CELSR1: variants seen among roughly 807,000 people sequenced by gnomAD.
CELSR1 encodes the protein adhesion G protein-coupled receptor C1.
CELSR1 carries 110 observed loss-of-function variants against 249.1 expected under a neutral mutation model. The observed-to-expected ratio is 0.44, with a 90% CI of 0.38 to 0.52. CELSR1 has a LOEUF of 0.52. Among genes scored for constraint, CELSR1 ranks in the 20% least tolerant of loss-of-function variants. The pLI, the probability that CELSR1 is intolerant of heterozygous loss-of-function variation, is 0.00. For missense variants in CELSR1, 4,109 were observed against 4,296.4 expected, an observed-to-expected ratio of 0.96 and a Z score of 1.22; for synonymous variants, 2,113 against 1,900.0, an observed-to-expected ratio of 1.11 and a Z score of -2.92.
chr22:46,489,539 G>A (rs867777149), intron 1 of CELSR1, among the ~76,000 whole-genome samples: 63 of 152,170 alleles, frequency 4.1e-4, no homozygotes, highest in African/African-American at 1.4e-3. Flanking sequence ...TAACTAAGAG[G>A]AGAGACATGG....
chr22:46,457,584 C>T (rs972292860), intron 2 of CELSR1, among the ~76,000 whole-genome samples: 5 of 152,214 alleles, frequency 3.3e-5, no homozygotes, highest in African/African-American at 9.7e-5. Flanking sequence ...CTCAGGAATG[C>T]GCCCCATGGG....
rs148349145 is a variant in CELSR1, at chr22:46,534,002, G to A, written c.3169C>T (p.Arg1057Cys). The change falls in exon 1 of 35, where the codon CGT (arginine) becomes TGT (cysteine). Residue 1057 changes from arginine to cysteine, a missense_variant. Arg to Cys is a radical substitution (Grantham distance 180). Around this residue, in one of 7 missense-constraint regions of CELSR1, gnomAD observed 886 missense variants for 896.5 expected, o/e 0.99. Transcript: ENST00000674500. This position sits in a 1 kb window ranked among gnomAD's most constrained non-coding sequence, Gnocchi z 9.7. Reference protein sequence around the residue: ...FQLDLLNGDLRAMVELDFEVR... With the variant: ...FQLDLLNGDLCAMVELDFEVR... ...TCAAAGTCCAGCTCCACCATGGCAC[G>A]CAGGTCCCCGTTGAGCAGGTCCAGC... 1.1e-4 allele frequency: 172 copies of A among 1,613,640 alleles called. No individual in the cohort carries two copies. Among genetic ancestry groups the A allele is most frequent in the East Asian group, 1.0e-3 (46 of 44,882 alleles).
intron 1 of CELSR1, among the ~76,000 whole-genome samples, chr22:46,523,922 C>G (rs1310566815): frequency 6.6e-6 from 1 of 152,210 alleles, no homozygotes; most frequent in Non-Finnish European, 1.5e-5. Flanking sequence ...GCCCCTCCCA[C>G]AGTCCTGCAG....
Position 46,430,267 on chromosome 22 carries a change from T to C in CELSR1, c.4611+3126A>G, listed in dbSNP as rs1429305506. 6.6e-6 allele frequency among the ~76,000 whole-genome samples: 1 copy of C among 152,196 alleles called. No homozygotes were observed. The highest frequency in any genetic ancestry group is 1.5e-5 in the Non-Finnish European group (1 of 68,030). On this transcript the variant is annotated intron_variant, in intron 5 of 34. Transcript: ENST00000674500. The surrounding 1 kb of genome is among the most constrained non-coding windows in gnomAD (Gnocchi z 4.6). Reference sequence around the variant, plus strand: ...CTTCCACCCTCTCCAGACTGCTGTATGCTGAATTTTTTCAAGTATGTTTTC... The same window carrying C: ...CTTCCACCCTCTCCAGACTGCTGTACGCTGAATTTTTTCAAGTATGTTTTC...
chr22:46,367,837 T>G lies in CELSR1; in HGVS notation c.7971A>C (p.Ala2657=), dbSNP rs76868014. Residue 2657 remains alanine, a synonymous_variant, in exon 28 of 35, where the codon GCA becomes GCC. Coordinates refer to ENST00000674500, the MANE Select transcript of CELSR1 (RefSeq NM_001378328.1). ...KKGIVSLLRT[A]FLLLLLISAT... The stretch of plus-strand genomic sequence containing the variant: ...CGCTGATGAGCAGCAGCAGGAGGAA[T>G]GCGGTCCTCAGCAGGGAGCTGCGGG... The G allele has an allele frequency of 6.2e-7, 1 of 1,611,168 alleles. No homozygotes were observed. Among genetic ancestry groups the G allele is most frequent in the South Asian group, 1.1e-5 (1 of 90,494 alleles).
chr22:46,428,862 T>C lies in CELSR1; in HGVS notation c.4611+4531A>G, dbSNP rs1602122698. 6.6e-6 allele frequency among the ~76,000 whole-genome samples: 1 copy of C among 152,168 alleles called. No individual in the cohort carries two copies. The highest frequency in any genetic ancestry group is 6.5e-5 in the Admixed American group (1 of 15,278). ...CATGTCAGGCACTACCTCCCCTGCA[T>C]GTCCCTGCCTCCCCAGCTGGCCAGG... is the stretch of plus-strand genomic sequence containing the variant. On this transcript the variant is annotated intron_variant, in intron 5 of 34. Transcript: ENST00000674500. This position sits in a 1 kb window ranked among gnomAD's most constrained non-coding sequence, Gnocchi z 5.7.
chr22:46,535,925 C>A lies in CELSR1; in HGVS notation c.1246G>T (p.Asp416Tyr). 6.2e-7 allele frequency: 1 copy of A among 1,609,570 alleles called. No individual in the cohort carries two copies. The highest frequency in any genetic ancestry group is 8.5e-7 in the Non-Finnish European group (1 of 1,179,738). ...TGGTACTCGGCCGCCTCCTCCCGGTCCAGCACCGCCCGTGTGCTCACCACG... is the reference window on the plus strand; with the variant it reads ...TGGTACTCGGCCGCCTCCTCCCGGTACAGCACCGCCCGTGTGCTCACCACG... ...SGVVSTRAVL[D>Y]REEAAEYQLL... The change falls in exon 1 of 35, where the codon GAC (aspartate) becomes TAC (tyrosine). Residue 416 changes from aspartate to tyrosine, a missense_variant. Physicochemically the swap from Asp to Tyr is radical, Grantham distance 160 (BLOSUM62 -3). This residue lies in a region of CELSR1 where 673 missense variants were observed against 636.8 expected (regional missense o/e 1.06). Transcript: ENST00000674500.
At chr22:46,529,247 C>T (rs1187094300) in intron 1 of CELSR1, among the ~76,000 whole-genome samples, 1 of 150,448 alleles carries the variant, frequency 6.6e-6, no homozygotes, top group African/African-American at 2.4e-5. Context: ...GCCTGGGCAG[C>T]AGAGTGAGAC....
In CELSR1 at chr22:46,477,610, C is replaced by G. The variant is rs192173815; in HGVS notation, c.3545-13265G>C. On this transcript the variant is annotated intron_variant, in intron 1 of 34. Transcript: ENST00000674500. ...GCAACCTCCACCTCCCGAGTTCAAG[C>G]GATTTCCCTGCCTCAGCCTCCCAAG... is the stretch of plus-strand genomic sequence containing the variant. 1.7e-3 allele frequency among the ~76,000 whole-genome samples: 248 copies of G among 149,576 alleles called. 1 individual carries two copies. The highest frequency in any genetic ancestry group is 6.0e-3 in the African/African-American group (244 of 40,802).
chr22:46,426,107 G>A (rs978033371), intron 5 of CELSR1, among the ~76,000 whole-genome samples: 2 of 152,242 alleles, frequency 1.3e-5, no homozygotes, highest in Non-Finnish European at 2.9e-5. Flanking sequence ...CATCAGGGCT[G>A]AGTGAGGCAG....
At position 46,367,712 on chromosome 22, in the gene CELSR1, ACTCGGCCGTCAC is replaced by A; in HGVS notation, c.8079+5_8079+16del. 6.3e-7 allele frequency: 1 copy of A among 1,584,682 alleles called. No homozygotes were observed. The highest frequency in any genetic ancestry group is 8.6e-7 in the Non-Finnish European group (1 of 1,166,634). On this transcript the variant is annotated splice_donor_5th_base_variant and intron_variant, in intron 28 of 34. Coordinates refer to ENST00000674500, the MANE Select transcript of CELSR1 (RefSeq NM_001378328.1). ...CGGCCAGGCAGGGGTCCCGCGGGCA[ACTCGGCCGTCAC>A]CTACCTGTAAGCCGCTGAAGATGGC...
chr22:46,385,382 AC>A (rs2079021247), intron 19 of CELSR1, among the ~76,000 whole-genome samples: 4 of 152,180 alleles, frequency 2.6e-5, no homozygotes, highest in African/African-American at 9.6e-5. Flanking sequence ...GGTGTGAACT[AC>A]CACGCCCAGC....
intron 1 of CELSR1, among the ~76,000 whole-genome samples, chr22:46,528,913 A>T (rs1257350897): frequency 6.7e-6 from 1 of 149,628 alleles, no homozygotes; most frequent in Admixed American, 6.7e-5. Context: ...TGGGCGACAG[A>T]GCGAGACTCT....
intron 1 of CELSR1, among the ~76,000 whole-genome samples, chr22:46,478,710 A>ATTTT (rs369299407): frequency 2.0e-5 from 3 of 147,938 alleles, no homozygotes; most frequent in Admixed American, 6.7e-5. Context: ...GCCCAGCTAA[A>ATTTT]ATTTTTTTTT....
intron 5 of CELSR1, among the ~76,000 whole-genome samples, chr22:46,426,440 C>G (rs2147403563): frequency 6.6e-6 from 1 of 152,214 alleles, no homozygotes; most frequent in Admixed American, 6.5e-5. Flanking sequence ...GGGTTCGCCA[C>G]CCGGTTCCTA....
intron 9 of CELSR1, among the ~76,000 whole-genome samples, chr22:46,400,542 C>T (rs930223268): frequency 6.6e-6 from 1 of 152,102 alleles, no homozygotes; most frequent in Non-Finnish European, 1.5e-5. Context: ...CAGGCTAAGG[C>T]AGCAGAATCG....
chr22:46,411,787 T>C lies in CELSR1; in HGVS notation c.4612-28A>G. The stretch of plus-strand genomic sequence containing the variant: ...GTAAGAAGAGAAAGCACAGAAGGTG[T>C]CAGCGTTTTCTCCACCAGTGCCCTC... On this transcript the variant is annotated intron_variant, in intron 5 of 34. Transcript: ENST00000674500. The surrounding 1 kb of genome is among the most constrained non-coding windows in gnomAD (Gnocchi z 4.2). 1 of 1,612,938 alleles carries C rather than the reference T, an allele frequency of 6.2e-7. No individual in the cohort carries two copies. The highest frequency in any genetic ancestry group is 8.5e-7 in the Non-Finnish European group (1 of 1,179,936).
intron 2 of CELSR1, among the ~76,000 whole-genome samples, chr22:46,443,759 CAT>C (rs1261343750): frequency 6.6e-6 from 1 of 152,280 alleles, no homozygotes; most frequent in African/African-American, 2.4e-5. Flanking sequence ...GCTGCACACT[CAT>C]ATGAGCAAGT....
rs1602094920 is a variant in CELSR1 at position 46,409,651 on chromosome 22, C to G, written c.5059+104G>C. 3 of 1,399,560 alleles carry G rather than the reference C, an allele frequency of 2.1e-6. No homozygotes were observed. Among genetic ancestry groups the G allele is most frequent in the Non-Finnish European group, 3.0e-6 (3 of 1,008,842 alleles). 86.7% of individuals were successfully genotyped at this position (1,399,560 alleles called of 1,614,324 possible). A position where few individuals can be genotyped will look rare whatever the true frequency, so the allele number is the denominator to read the frequency against. ...ATGCAGCATATACCACCAGAGGCTG[C>G]CGGACCTGGATGTGAAGCCCCCTCA... On this transcript the variant is annotated intron_variant, in intron 8 of 34. Coordinates refer to ENST00000674500, the MANE Select transcript of CELSR1 (RefSeq NM_001378328.1). The surrounding 1 kb of genome is among the most constrained non-coding windows in gnomAD (Gnocchi z 9.8).
Sources: gnomAD v4.1 joint callset for allele counts (sites outside exome capture counted in the v4.1 genomes callset) on GRCh38, gnomAD v4.1.1 for gene constraint, gnomAD v4.1.1 regional missense constraint, Gnocchi (gnomAD v3.1) non-coding constraint, MANE v1.5 for transcripts, NCBI Gene and HGNC (gene_info 2026-07-23, HGNC 2026-07-21) for gene names.